The following BCL7C variants were observed in gnomAD, a reference collection of about 807,000 sequenced individuals.
BCL7C encodes the protein BAF chromatin remodeling complex subunit BCL7C.
Under a neutral mutation model 26.2 loss-of-function variants are expected in BCL7C, and 8 were observed. The observed-to-expected ratio is 0.30, with a 90% CI of 0.18 to 0.55. The LOEUF is 0.55. BCL7C is among the 20% of genes least tolerant of loss of function. BCL7C has a pLI of 0.93. For synonymous variants in BCL7C, 90 were observed against 116.5 expected (o/e 0.77, Z 1.47); for missense variants, 262 against 298.5 (o/e 0.88, Z 0.90).
intron 5 of BCL7C, among the ~76,000 whole-genome samples, chr16:30,858,659 G>GATTAAT (rs1035170529): frequency 1.3e-5 from 2 of 152,094 alleles, no homozygotes; most frequent in African/African-American, 4.8e-5. Flanking sequence ...TGAGACACTC[G>GATTAAT]GAGATACTGG....
intron 5 of BCL7C, among the ~76,000 whole-genome samples, chr16:30,847,004 T>C (rs1316600410): frequency 1.3e-5 from 2 of 152,222 alleles, no homozygotes; most frequent in African/African-American, 4.8e-5. Flanking sequence ...TTCTTTTCAG[T>C]ACAGTCGAGT....
chr16:30,878,411 C>A (rs1199924085), intron 5 of BCL7C, among the ~76,000 whole-genome samples: 1 of 151,822 alleles, frequency 6.6e-6, no homozygotes, highest in Non-Finnish European at 1.5e-5. Flanking sequence ...TGGTGGCACG[C>A]GCCTGTAGTC....
At chr16:30,852,584 C>T (rs564164873) in intron 5 of BCL7C, among the ~76,000 whole-genome samples, 119 of 151,310 alleles carry the variant, frequency 7.9e-4, no homozygotes, top group African/African-American at 2.7e-3. Flanking sequence ...CTCTGCCTCC[C>T]GGGTTCAAGT....
At chr16:30,888,098 A>G in intron 5 of BCL7C, 108 bp from the exon 6 acceptor site, 1 of 1,137,534 alleles carries the variant, frequency 8.8e-7, no homozygotes, top group Non-Finnish European at 1.2e-6. Context: ...TGGGCCCGGG[A>G]GGCAAGCCCA....
intron 5 of BCL7C, among the ~76,000 whole-genome samples, chr16:30,864,472 A>C (rs1216945294): frequency 6.6e-6 from 1 of 152,030 alleles, no homozygotes; most frequent in Non-Finnish European, 1.5e-5. Context: ...ACCCCACAAT[A>C]TCACCCCTTA....
chr16:30,886,572 C>T (rs1273490304), downstream of BCL7C, among the ~76,000 whole-genome samples: 1 of 152,140 alleles, frequency 6.6e-6, no homozygotes, highest in Non-Finnish European at 1.5e-5. Context: ...TGTGGAGACC[C>T]CTCAGGAGCC....
intron 5 of BCL7C, among the ~76,000 whole-genome samples, chr16:30,860,581 C>A (rs1189131355): frequency 6.6e-6 from 1 of 152,192 alleles, no homozygotes; most frequent in African/African-American, 2.4e-5. Context: ...ACAAACTCGA[C>A]AATGGTTCCA....
At chr16:30,863,346 A>T (rs2054794287) in intron 5 of BCL7C, among the ~76,000 whole-genome samples, 1 of 152,144 alleles carries the variant, frequency 6.6e-6, no homozygotes, top group Non-Finnish European at 1.5e-5. Context: ...TTGCAAGGGG[A>T]CTATGCATCA....
intron 5 of BCL7C, among the ~76,000 whole-genome samples, chr16:30,843,595 G>A (rs2054615997): frequency 6.6e-6 from 1 of 151,840 alleles, no homozygotes; most frequent in African/African-American, 2.4e-5. Flanking sequence ...GTGAAGGAGT[G>A]GATTCTTCTA....
At chr16:30,865,104 C>T (rs897792724) in intron 5 of BCL7C, among the ~76,000 whole-genome samples, 5 of 145,770 alleles carry the variant, frequency 3.4e-5, no homozygotes, top group Non-Finnish European at 7.5e-5. Flanking sequence ...GGAGGCGGAG[C>T]TTGCAGTGAG....
At chr16:30,864,984 C>T (rs547959713) in intron 5 of BCL7C, among the ~76,000 whole-genome samples, 9 of 151,572 alleles carry the variant, frequency 5.9e-5, no homozygotes, top group East Asian at 1.9e-4. Flanking sequence ...CTGGCTAACA[C>T]GGTGAAACCC....
At chr16:30,874,573 C>G (rs922111289) in intron 5 of BCL7C, among the ~76,000 whole-genome samples, 1 of 151,950 alleles carries the variant, frequency 6.6e-6, no homozygotes, top group Non-Finnish European at 1.5e-5. Flanking sequence ...GAGCGGAGAT[C>G]GCACCGCTGC....
chr16:30,890,398 G>GA (rs945129530), intron 4 of BCL7C, among the ~76,000 whole-genome samples: 49 of 142,406 alleles, frequency 3.4e-4, no homozygotes, highest in East Asian at 1.2e-3. Flanking sequence ...CATCTCAAAG[G>GA]AAAAAAAAAA....
intron 5 of BCL7C, among the ~76,000 whole-genome samples, chr16:30,845,266 T>C (rs1195414396): frequency 6.6e-6 from 1 of 152,216 alleles, no homozygotes; most frequent in Non-Finnish European, 1.5e-5. Context: ...TCCAGCACTG[T>C]GCTCTCACCA....
chr16:30,863,065 A>G (rs1224805455), intron 5 of BCL7C, among the ~76,000 whole-genome samples: 2 of 151,674 alleles, frequency 1.3e-5, no homozygotes, highest in Non-Finnish European at 2.9e-5. Context: ...GCCCCCCCAC[A>G]TTATTCCTGA....
At position 30,862,633 on chromosome 16, in the gene BCL7C, T is replaced by G. The variant is rs368744445; in HGVS notation, c.528+26227A>C. On this transcript the variant is annotated intron_variant, in intron 5 of 5. Transcript: ENST00000380317. Reference sequence around the variant, plus strand: ...CTCCAAAGCCCAAATTTCTTCCTCATTCATTATCTATCTTGGCATAATTCT... The same window carrying G: ...CTCCAAAGCCCAAATTTCTTCCTCAGTCATTATCTATCTTGGCATAATTCT... 3.2e-4 allele frequency among the ~76,000 whole-genome samples: 49 copies of G among 152,198 alleles called. 1 individual carries two copies. The highest frequency in any genetic ancestry group is 1.2e-3 in the African/African-American group (48 of 41,526).
Position 30,834,949 on chromosome 16 carries a change from C to T in BCL7C, c.728G>A (p.Ter243=), listed in dbSNP as rs1288887187. ...TCTTGGCTTGCTTGGGGAGCCCACTCACCTCCCCTTACCCTGGGGGATTGT... is the reference window on the plus strand; with the variant it reads ...TCTTGGCTTGCTTGGGGAGCCCACTTACCTCCCCTTACCCTGGGGGATTGT... The change falls in exon 6 of 6, where the codon TGA becomes TAA. Residue 243 remains the stop codon, a stop_retained_variant. Coordinates refer to the BCL7C transcript ENST00000380317. This position sits in a 1 kb window ranked among gnomAD's most constrained non-coding sequence, Gnocchi z 4.3. 21 of 1,530,558 alleles carry T rather than the reference C, an allele frequency of 1.4e-5. No individual in the cohort carries two copies. The highest frequency in any genetic ancestry group is 1.8e-5 in the Non-Finnish European group (20 of 1,137,026). The allele number at this position is 1,530,558 out of a possible 1,614,324, so 94.8% of individuals were successfully genotyped here.
chr16:30,851,851 T>G, intron 5 of BCL7C: 1 of 256,466 alleles, frequency 3.9e-6, no homozygotes, highest in Admixed American at 4.9e-5. Flanking sequence ...AAATCGACTT[T>G]TTGTCACACA....
chr16:30,868,656 G>A (rs1336993863), intron 5 of BCL7C, among the ~76,000 whole-genome samples: 4 of 151,648 alleles, frequency 2.6e-5, no homozygotes, highest in East Asian at 2.0e-4. Context: ...GTGGTGGCAC[G>A]CGCCTGTGAT....
Sources: allele counts gnomAD v4.1 joint callset (sites outside exome capture counted in the v4.1 genomes callset), GRCh38; gene constraint gnomAD v4.1.1; non-coding constraint Gnocchi (gnomAD v3.1); transcripts MANE v1.5; gene names NCBI Gene and HGNC (gene_info 2026-07-23, HGNC 2026-07-21).